FLT3: variants seen among roughly 807,000 people sequenced by gnomAD.
FLT3 encodes the protein receptor-type tyrosine-protein kinase FLT3.
FLT3 carries 46 observed loss-of-function variants against 126.6 expected under a neutral mutation model. The ratio of observed to expected loss-of-function variants is 0.36; its 90% CI spans 0.29 to 0.46. The LOEUF is 0.46. Among genes scored for constraint, FLT3 ranks in the 20% least tolerant of loss-of-function variants. The pLI is 1.00. For missense variants in FLT3, 1,069 were observed against 1,190.3 expected (o/e 0.90, Z 1.50); for synonymous variants, 404 against 434.4 (o/e 0.93, Z 0.87).
chr13:28,015,522 G>A (rs1428676439), intron 21 of FLT3, 68 bp downstream of exon 21: 1 of 824,480 alleles, frequency 1.2e-6, no homozygotes, highest in Non-Finnish European at 2.1e-6. Flanking sequence ...GGGAGGGGTG[G>A]GGCGGCACCG....
At chr13:28,070,348 T>C in intron 2 of FLT3, 143 bp downstream of exon 2, 2 of 631,054 alleles carry the variant, frequency 3.2e-6, no homozygotes, top group Non-Finnish European at 5.5e-6. Context: ...GGAGTATAGA[T>C]GCTCTGTTGG....
intron 16 of FLT3, among the ~76,000 whole-genome samples, chr13:28,027,505 A>G (rs892690642): frequency 5.3e-5 from 8 of 152,198 alleles, no homozygotes; most frequent in Non-Finnish European, 7.3e-5. Flanking sequence ...GGCCTCCTGG[A>G]TTCTCCAGTT....
intron 17 of FLT3, 121 bp from the exon 18 acceptor site, chr13:28,025,064 C>T: frequency 1.5e-6 from 1 of 665,004 alleles, no homozygotes; most frequent in Non-Finnish European, 2.7e-6. Flanking sequence ...AAATTAAAAG[C>T]ACACCATCCA....
intron 2 of FLT3, among the ~76,000 whole-genome samples, chr13:28,065,759 T>C (rs995557585): frequency 1.3e-5 from 2 of 150,500 alleles, no homozygotes; most frequent in Non-Finnish European, 2.9e-5. Context: ...GCCTAGGAGG[T>C]TGAGGCTGAA....
intron 16 of FLT3, among the ~76,000 whole-genome samples, chr13:28,027,807 A>T (rs1168557258): frequency 6.6e-6 from 1 of 152,214 alleles, no homozygotes; most frequent in East Asian, 1.9e-4. Flanking sequence ...GCCGTATTTG[A>T]CGGCAGCCCA....
intron 3 of FLT3, among the ~76,000 whole-genome samples, chr13:28,059,113 A>G (rs556154116): frequency 6.6e-6 from 1 of 152,376 alleles, no homozygotes; most frequent in South Asian, 2.1e-4. Context: ...TTAGAACTCA[A>G]CTTCAGAACT....
intron 12 of FLT3, among the ~76,000 whole-genome samples, chr13:28,034,683 G>A (rs915500581): frequency 1.3e-5 from 2 of 152,122 alleles, no homozygotes; most frequent in African/African-American, 2.4e-5. Flanking sequence ...GTCCAGGCAC[G>A]ATGGCTCACG....
rs367817562 is a variant in FLT3, at chr13:28,004,170, T to C, written c.2864A>G (p.Tyr955Cys). Residue 955 changes from tyrosine to cysteine, a missense_variant, in exon 24 of 24, where the codon TAT becomes TGT. Transcript: ENST00000241453. ...CQLADAEEAM[Y>C]QNVDGRVSEC... ...CGAAACACGGCCATCCACATTCTGA[T>C]ACATCTGAATGTGGGAAAGAGACAG... 3.1e-5 allele frequency: 50 copies of C among 1,614,140 alleles called. No individual in the cohort carries two copies. The African/African-American group carries it at 4.8e-4, about 15-fold the overall frequency.
At position 28,062,309 on chromosome 13, in the gene FLT3, G is replaced by A. The variant is rs2387349; in HGVS notation, c.166-240C>T. 0.96 allele frequency among the ~76,000 whole-genome samples: 146,880 copies of A among 152,240 alleles called. 70,969 individuals carry two copies. Among genetic ancestry groups the A allele is most frequent in the East Asian group, 1 (5,168 of 5,176 alleles). ...AATGTTGTACGGACTGTCATGGCGT[G>A]TGTCCCCCTACCTCTGCAAGTTCAT... On this transcript the variant is annotated intron_variant, in intron 2 of 23. Coordinates refer to ENST00000241453, the MANE Select transcript of FLT3 (RefSeq NM_004119.3).
At chr13:28,096,434 G>A (rs966060207) in intron 1 of FLT3, among the ~76,000 whole-genome samples, 1 of 148,662 alleles carries the variant, frequency 6.7e-6, no homozygotes, top group South Asian at 2.2e-4. Context: ...CTTCATTGAC[G>A]CATGCAATTT....
intron 2 of FLT3, among the ~76,000 whole-genome samples, chr13:28,065,702 C>T (rs1012102177): frequency 4.1e-5 from 6 of 147,092 alleles, no homozygotes; most frequent in Admixed American, 1.4e-4. Flanking sequence ...GTGGCTCACG[C>T]CTGTAATCCC....
chr13:28,075,736 AT>A (rs1249691752), intron 1 of FLT3, among the ~76,000 whole-genome samples: 4 of 70,310 alleles, frequency 5.7e-5, no homozygotes, highest in African/African-American at 1.3e-4. Flanking sequence ...AAAAAAAAAA[AT>A]GGATGCATCA....
At chr13:28,010,548 T>C (rs1301859681) in intron 23 of FLT3, among the ~76,000 whole-genome samples, 1 of 152,238 alleles carries the variant, frequency 6.6e-6, no homozygotes, top group African/African-American at 2.4e-5. Context: ...CACCACTGTC[T>C]AAATGCCTAG....
intron 23 of FLT3, among the ~76,000 whole-genome samples, chr13:28,006,340 G>C (rs576177144): frequency 3.6e-4 from 52 of 144,430 alleles, no homozygotes; most frequent in Admixed American, 9.3e-4. Context: ...GTGTGTGTGT[G>C]TATCCTTTGA....
intron 19 of FLT3, among the ~76,000 whole-genome samples, chr13:28,019,429 G>A (rs1872184385): frequency 6.6e-6 from 1 of 152,092 alleles, no homozygotes; most frequent in African/African-American, 2.4e-5. Context: ...TAATCAAAGG[G>A]GTCTGACAAG....
chr13:28,071,674 C>T (rs141419765), intron 1 of FLT3, among the ~76,000 whole-genome samples: 66 of 152,120 alleles, frequency 4.3e-4, no homozygotes, highest in African/African-American at 1.4e-3. Flanking sequence ...CTTTTCTCAC[C>T]GGTTGGTCCG....
chr13:28,082,076 G>A (rs9581983), intron 1 of FLT3, among the ~76,000 whole-genome samples: 25,865 of 151,558 alleles, frequency 0.17, 2,403 homozygotes, highest in Middle Eastern at 0.27. Context: ...GGTTGGTCTC[G>A]AATTCCTGAC....
chr13:28,033,198 G>A (rs1015497594), intron 15 of FLT3, among the ~76,000 whole-genome samples: 23 of 151,614 alleles, frequency 1.5e-4, no homozygotes, highest in Admixed American at 4.6e-4. Flanking sequence ...ACTCCTGTGA[G>A]GCTGAGGTGA....
chr13:28,004,031 C>T lies in FLT3; in HGVS notation c.*21G>A. 6.2e-7 allele frequency: 1 copy of T among 1,613,892 alleles called. No individual in the cohort carries two copies. Among genetic ancestry groups the T allele is most frequent in the Non-Finnish European group, 8.5e-7 (1 of 1,179,892 alleles). On this transcript the variant is annotated 3_prime_UTR_variant, in exon 24 of 24. Coordinates refer to ENST00000241453, the MANE Select transcript of FLT3 (RefSeq NM_004119.3). Reference sequence around the variant, plus strand: ...TTAGGGATAGGTGGAGGGATGAAGTCCTTAAAACTAAATTGTTCCTCTACG... The same window carrying T: ...TTAGGGATAGGTGGAGGGATGAAGTTCTTAAAACTAAATTGTTCCTCTACG...
Sources: gnomAD v4.1 joint callset for allele counts (sites outside exome capture counted in the v4.1 genomes callset) on GRCh38, gnomAD v4.1.1 for gene constraint, MANE v1.5 for transcripts, NCBI Gene and HGNC (gene_info 2026-07-23, HGNC 2026-07-21) for gene names.